CCDC60: variants seen among roughly 807,000 people sequenced by gnomAD.
CCDC60 encodes the protein coiled-coil domain containing 60.
A neutral mutation model predicts 63.5 loss-of-function variants in CCDC60; 54 were observed. That is an observed-to-expected ratio of 0.85 (90% CI 0.68 to 1.07). The LOEUF (loss-of-function observed/expected upper bound fraction) is 1.07. CCDC60 is among the 50% of genes least tolerant of loss of function. The pLI, the probability that CCDC60 is intolerant of heterozygous loss-of-function variation, is 0.00. For synonymous variants in CCDC60, 206 were observed against 238.8 expected (o/e 0.86, Z 1.27); for missense variants, 651 against 684.3 (o/e 0.95, Z 0.54).
In CCDC60 at chr12:119,346,785, T is replaced by C. The variant is rs955710851; in HGVS notation, c.90+11519T>C. Reference sequence around the variant, plus strand: ...TTAGACTCATCTTTCTCTTTCTTTCTTTCTTTCTTTCTTTCTTTCTTTCTT... The same window carrying C: ...TTAGACTCATCTTTCTCTTTCTTTCCTTCTTTCTTTCTTTCTTTCTTTCTT... On this transcript the variant is annotated intron_variant, in intron 1 of 13. Transcript: ENST00000327554. 1.3e-4 allele frequency among the ~76,000 whole-genome samples: 10 copies of C among 79,972 alleles called. No individual in the cohort carries two copies. In the Admixed American group the frequency reaches 1.3e-3, roughly 11 times the overall value. 52.5% of individuals were successfully genotyped at this position (79,972 alleles called of 152,430 possible).
chr12:119,340,984 A>G (rs1457756482), intron 1 of CCDC60, among the ~76,000 whole-genome samples: 4 of 152,232 alleles, frequency 2.6e-5, no homozygotes, highest in Admixed American at 1.3e-4. Context: ...AGCCAGGAAA[A>G]GAGAAATGAG....
intron 2 of CCDC60, among the ~76,000 whole-genome samples, chr12:119,444,319 G>C (rs1214569557): frequency 1.3e-5 from 2 of 152,152 alleles, no homozygotes; most frequent in Non-Finnish European, 2.9e-5. Flanking sequence ...ATTAGAAGTA[G>C]AGCCAATGGC....
rs1264676857 is a variant in CCDC60 at position 119,350,201 on chromosome 12, ATTTATTTATTTT to A, written c.90+14938_90+14949del. On this transcript the variant is annotated intron_variant, in intron 1 of 13. Coordinates refer to ENST00000327554, the MANE Select transcript of CCDC60 (RefSeq NM_178499.5). ...TATTTATTTATTTATTTATTTATTT[ATTTATTTATTTT>A]TTGAGACAGAGTCTCGCTCTGTCAC... 1.0e-4 allele frequency among the ~76,000 whole-genome samples: 12 copies of A among 118,438 alleles called. No homozygotes were observed. In the East Asian group the frequency reaches 3.7e-3, roughly 36 times the overall value. The allele number at this position is 118,438 out of a possible 152,430, so 77.7% of individuals were successfully genotyped here.
intron 2 of CCDC60, among the ~76,000 whole-genome samples, chr12:119,450,901 G>T (rs532393421): frequency 2.2e-4 from 33 of 150,342 alleles, no homozygotes; most frequent in African/African-American, 6.3e-4. Flanking sequence ...GACAAATCCA[G>T]CTCTCACAGA....
In CCDC60 at chr12:119,490,100, G is replaced by A. The variant is rs539805177; in HGVS notation, c.557+1234G>A. ...CGTGAGCCACCGCGCCCGGCCAAAC[G>A]TTAAGTCTTAATTAACTTCTTCCTC... On this transcript the variant is annotated intron_variant, in intron 5 of 13. Coordinates refer to ENST00000327554, the MANE Select transcript of CCDC60 (RefSeq NM_178499.5). Among the ~76,000 whole-genome samples the A allele has an allele frequency of 6.9e-4, 105 of 152,104 alleles. 1 individual carries two copies. The South Asian group carries it at 0.016, about 23-fold the overall frequency.
At chr12:119,345,898 A>G (rs1322108549) in intron 1 of CCDC60, among the ~76,000 whole-genome samples, 2 of 150,814 alleles carry the variant, frequency 1.3e-5, no homozygotes, top group East Asian at 1.9e-4. Context: ...GCTCAATTCA[A>G]TCTCCACCTC....
At chr12:119,522,905 C>T in intron 9 of CCDC60, 34 bp from the exon 10 acceptor site, 1 of 1,610,672 alleles carries the variant, frequency 6.2e-7, no homozygotes, top group Non-Finnish European at 8.5e-7. Context: ...AAAGCAGACT[C>T]TGAGCAACTT....
intron 4 of CCDC60, among the ~76,000 whole-genome samples, chr12:119,485,299 G>C (rs1449716863): frequency 6.6e-6 from 1 of 152,228 alleles, no homozygotes; most frequent in Non-Finnish European, 1.5e-5. Flanking sequence ...TGGTGAGCTT[G>C]AGTGACTGAG....
intron 1 of CCDC60, among the ~76,000 whole-genome samples, chr12:119,366,540 G>A (rs1206075628): frequency 6.6e-6 from 1 of 152,214 alleles, no homozygotes; most frequent in African/African-American, 2.4e-5. Flanking sequence ...TCTGACTGGA[G>A]GGCCTAAGAA....
chr12:119,445,492 A>T (rs1423039678), intron 2 of CCDC60, among the ~76,000 whole-genome samples: 1 of 17,002 alleles, frequency 5.9e-5, no homozygotes, highest in Non-Finnish European at 1.0e-4. Context: ...GCCCTGAGCT[A>T]AAAAAAAAAA....
chr12:119,528,816 A>G lies in CCDC60; in HGVS notation c.1361+70A>G, dbSNP rs188704804. 120 of 1,501,006 alleles carry G rather than the reference A, an allele frequency of 8.0e-5. No homozygotes were observed. In the Admixed American group the frequency reaches 2.2e-3, roughly 27 times the overall value. 93.0% of individuals were successfully genotyped at this position (1,501,006 alleles called of 1,614,324 possible). On this transcript the variant is annotated intron_variant, in intron 12 of 13. Coordinates refer to ENST00000327554, the MANE Select transcript of CCDC60 (RefSeq NM_178499.5). ...AGGGTGTTGTTATTACAAGATCACTATTGATTCCACTGTCCTTCAAGGCAT... is the reference window on the plus strand; with the variant it reads ...AGGGTGTTGTTATTACAAGATCACTGTTGATTCCACTGTCCTTCAAGGCAT...
chr12:119,451,460 C>T (rs529726328), intron 2 of CCDC60, among the ~76,000 whole-genome samples: 3 of 143,230 alleles, frequency 2.1e-5, no homozygotes, highest in African/African-American at 5.0e-5. Flanking sequence ...TGTGATATGT[C>T]GCCTCTCTGG....
At chr12:119,376,763 A>G (rs1203967555) in intron 1 of CCDC60, among the ~76,000 whole-genome samples, 1 of 152,178 alleles carries the variant, frequency 6.6e-6, no homozygotes, top group Non-Finnish European at 1.5e-5. Context: ...GTGTGCCCCT[A>G]TATATTTCCA....
intron 1 of CCDC60, among the ~76,000 whole-genome samples, chr12:119,377,852 G>A (rs947133465): frequency 1.3e-5 from 2 of 152,184 alleles, no homozygotes; most frequent in Admixed American, 6.5e-5. Flanking sequence ...ACGTGGCATC[G>A]TTGTCTGGGG....
intron 1 of CCDC60, among the ~76,000 whole-genome samples, chr12:119,387,792 C>T (rs1342142879): frequency 2.0e-5 from 3 of 152,168 alleles, no homozygotes; most frequent in Non-Finnish European, 4.4e-5. Context: ...CATAGTGTTA[C>T]TGAATCACAG....
chr12:119,483,909 C>A (rs1043552134), intron 4 of CCDC60, among the ~76,000 whole-genome samples: 2 of 150,944 alleles, frequency 1.3e-5, no homozygotes, highest in Non-Finnish European at 2.9e-5. Context: ...GAGAAAAGAC[C>A]GATTTCTATC....
chr12:119,430,598 C>T (rs550723150), intron 2 of CCDC60, among the ~76,000 whole-genome samples: 71 of 147,910 alleles, frequency 4.8e-4, no homozygotes, highest in African/African-American at 1.6e-3. Context: ...ACCCAGGAGG[C>T]GGAACTTGCT....
chr12:119,441,431 T>G (rs927464437), intron 2 of CCDC60, among the ~76,000 whole-genome samples: 1 of 152,140 alleles, frequency 6.6e-6, no homozygotes, highest in African/African-American at 2.4e-5. Flanking sequence ...AGCACACAAA[T>G]CATTCAGCAT....
At chr12:119,497,347 G>T (rs1951736666) in intron 5 of CCDC60, among the ~76,000 whole-genome samples, 1 of 152,070 alleles carries the variant, frequency 6.6e-6, no homozygotes, top group Non-Finnish European at 1.5e-5. Context: ...TTCCCCTATT[G>T]ATCTTCCTTT....
Sources: allele counts gnomAD v4.1 joint callset (sites outside exome capture counted in the v4.1 genomes callset), GRCh38; gene constraint gnomAD v4.1.1; transcripts MANE v1.5; gene names NCBI Gene and HGNC (gene_info 2026-07-23, HGNC 2026-07-21).